Variants in ADGRB3 observed in about 807,000 individuals in gnomAD.
ADGRB3 encodes brain-specific angiogenesis inhibitor 3.
A neutral mutation model predicts 193.4 loss-of-function variants in ADGRB3; 37 were observed. The observed-to-expected ratio is 0.19, with a 90% CI of 0.15 to 0.25. ADGRB3 has a LOEUF of 0.25. Among genes scored for constraint, ADGRB3 ranks in the 10% least tolerant of loss-of-function variants. ADGRB3 has a pLI of 1.00. For missense variants in ADGRB3, 1,637 were observed against 1,852.9 expected (o/e 0.88, Z 2.14); for synonymous variants, 690 against 644.2 (o/e 1.07, Z -1.08).
chr6:69,022,737 G>C (rs577125556), intron 13 of ADGRB3, among the ~76,000 whole-genome samples: 44 of 152,008 alleles, frequency 2.9e-4, no homozygotes, highest in African/African-American at 1.0e-3. Context: ...TTCTTTTGCG[G>C]TAATAGCATA....
intron 20 of ADGRB3, among the ~76,000 whole-genome samples, chr6:69,298,323 ATCT>A (rs1375940936): frequency 6.6e-6 from 1 of 151,968 alleles, no homozygotes; most frequent in Non-Finnish European, 1.5e-5. Flanking sequence ...TAGGGGAACT[ATCT>A]TCTTTATTCT....
intron 3 of ADGRB3, among the ~76,000 whole-genome samples, chr6:68,648,594 A>C (rs1177334316): frequency 1.3e-5 from 2 of 151,158 alleles, no homozygotes; most frequent in African/African-American, 2.4e-5. Flanking sequence ...AAAATCATTA[A>C]GAAAATTGTG....
At chr6:68,776,249 C>T (rs996159196) in intron 3 of ADGRB3, among the ~76,000 whole-genome samples, 2 of 152,064 alleles carry the variant, frequency 1.3e-5, no homozygotes, top group Non-Finnish European at 2.9e-5. Flanking sequence ...GTCAGAGACT[C>T]TAATAAGAGC....
At chr6:69,352,678 T>C (rs1278741063) in intron 26 of ADGRB3, among the ~76,000 whole-genome samples, 13 of 152,186 alleles carry the variant, frequency 8.5e-5, no homozygotes, top group Non-Finnish European at 1.5e-5. Flanking sequence ...TTCCAAATCC[T>C]GCAATGTGGC....
intron 8 of ADGRB3, among the ~76,000 whole-genome samples, chr6:68,959,608 T>G (rs1407307841): frequency 6.6e-6 from 1 of 152,256 alleles, no homozygotes; most frequent in Non-Finnish European, 1.5e-5. Context: ...AAAGCTGTTA[T>G]GATGTCTACT....
At chr6:69,081,420 G>A (rs1195008495) in intron 17 of ADGRB3, among the ~76,000 whole-genome samples, 8 of 151,826 alleles carry the variant, frequency 5.3e-5, no homozygotes, top group Admixed American at 5.3e-4. Flanking sequence ...TGGATAAAAT[G>A]TTTGCTTCTG....
intron 3 of ADGRB3, among the ~76,000 whole-genome samples, chr6:68,785,596 G>C (rs1766950548): frequency 6.6e-6 from 1 of 151,938 alleles, no homozygotes; most frequent in Admixed American, 6.6e-5. Context: ...TTGCTATTGT[G>C]AATAGTGCCG....
At chr6:69,276,266 T>C (rs1486978005) in intron 20 of ADGRB3, among the ~76,000 whole-genome samples, 1 of 152,212 alleles carries the variant, frequency 6.6e-6, no homozygotes, top group Non-Finnish European at 1.5e-5. Flanking sequence ...TTGAACCATG[T>C]TAATCACATC....
At position 68,650,520 on chromosome 6, in the gene ADGRB3, A is replaced by C. The variant is rs528200114; in HGVS notation, c.757+11088A>C. ...TTACTTCAAGGCTCCCATATAAAAC[A>C]TAAAAATTCCTGACAGATTAAGAAT... On this transcript the variant is annotated intron_variant, in intron 3 of 31. Coordinates refer to ENST00000370598, the MANE Select transcript of ADGRB3 (RefSeq NM_001704.3). Among the ~76,000 whole-genome samples, 3 of 152,304 alleles carry C rather than the reference A, an allele frequency of 2.0e-5. No individual in the cohort carries two copies. The South Asian group carries it at 6.2e-4, about 32-fold the overall frequency.
At chr6:69,236,274 T>C (rs1766265357) in intron 19 of ADGRB3, among the ~76,000 whole-genome samples, 1 of 152,050 alleles carries the variant, frequency 6.6e-6, no homozygotes, top group African/African-American at 2.4e-5. Context: ...AAAAATTATG[T>C]ATCTCTTGAC....
intron 17 of ADGRB3, among the ~76,000 whole-genome samples, chr6:69,158,696 A>G (rs191588243): frequency 2.0e-4 from 31 of 152,204 alleles, no homozygotes; most frequent in Non-Finnish European, 3.7e-4. Flanking sequence ...TTATTACTAA[A>G]GTACCATGAC....
intron 17 of ADGRB3, among the ~76,000 whole-genome samples, chr6:69,094,739 A>C (rs1772821445): frequency 6.6e-6 from 1 of 152,212 alleles, no homozygotes; most frequent in African/African-American, 2.4e-5. Flanking sequence ...TAAAATAAAA[A>C]AATTAAAATC....
intron 30 of ADGRB3, among the ~76,000 whole-genome samples, chr6:69,373,902 C>G (rs1211655770): frequency 6.6e-6 from 1 of 152,074 alleles, no homozygotes; most frequent in South Asian, 2.1e-4. Flanking sequence ...GAAAAGAAAT[C>G]TAATCATACT....
At chr6:69,325,272 C>T (rs1288809170) in intron 21 of ADGRB3, among the ~76,000 whole-genome samples, 3 of 151,054 alleles carry the variant, frequency 2.0e-5, no homozygotes, top group East Asian at 2.0e-4. Context: ...AATGAGACCC[C>T]GAGATGCCTA....
intron 3 of ADGRB3, among the ~76,000 whole-genome samples, chr6:68,710,902 C>T (rs1315455101): frequency 6.6e-6 from 1 of 152,126 alleles, no homozygotes; most frequent in East Asian, 1.9e-4. Flanking sequence ...AGTTTTCTTT[C>T]TGGGACCCCT....
chr6:69,051,119 A>G (rs1771380760), intron 15 of ADGRB3, among the ~76,000 whole-genome samples: 1 of 152,182 alleles, frequency 6.6e-6, no homozygotes, highest in Non-Finnish European at 1.5e-5. Context: ...TAGTGTTTCA[A>G]CTTAAAAAAA....
intron 3 of ADGRB3, among the ~76,000 whole-genome samples, chr6:68,818,557 A>C (rs572936721): frequency 6.6e-6 from 1 of 152,042 alleles, no homozygotes; most frequent in African/African-American, 2.4e-5. Context: ...TTTTTATTGG[A>C]AAGGGGGAAA....
At chr6:68,754,214 G>A (rs1292130550) in intron 3 of ADGRB3, among the ~76,000 whole-genome samples, 1 of 152,200 alleles carries the variant, frequency 6.6e-6, no homozygotes, top group Admixed American at 6.5e-5. Flanking sequence ...CATGAGTTAG[G>A]CAGGATAGTG....
In ADGRB3 at chr6:69,322,517, A is replaced by C. The variant is rs565078153; in HGVS notation, c.2815-2355A>C. ...CTGCACAACCTCAGCAGCATTTGTC[A>C]CTTTTTGGCTTTTTACTAATAGCCA... On this transcript the variant is annotated intron_variant, in intron 20 of 31. Coordinates refer to ENST00000370598, the MANE Select transcript of ADGRB3 (RefSeq NM_001704.3). Among the ~76,000 whole-genome samples, 6 of 151,796 alleles carry C rather than the reference A, an allele frequency of 4.0e-5. No individual in the cohort carries two copies. The East Asian group carries it at 1.2e-3, about 29-fold the overall frequency.
Sources: allele counts gnomAD v4.1 joint callset (sites outside exome capture counted in the v4.1 genomes callset), GRCh38; gene constraint gnomAD v4.1.1; transcripts MANE v1.5; gene names NCBI Gene and HGNC (gene_info 2026-07-23, HGNC 2026-07-21).